AKAP4: variants seen among roughly 807,000 people sequenced by gnomAD.
AKAP4 encodes the protein A-kinase anchor protein 4.
A neutral mutation model predicts 42.6 loss-of-function variants in AKAP4; 4 were observed. The ratio of observed to expected loss-of-function variants is 0.09; its 90% CI spans 0.05 to 0.22. The LOEUF (loss-of-function observed/expected upper bound fraction) is 0.22. Ranked by LOEUF, AKAP4 falls within the 10% of genes least tolerant of loss-of-function variation. The pLI, the probability that AKAP4 is intolerant of heterozygous loss-of-function variation, is 1.00. For missense variants in AKAP4, 551 were observed against 630.7 expected, an observed-to-expected ratio of 0.87 and a Z score of 1.35; for synonymous variants, 223 against 233.0, an observed-to-expected ratio of 0.96 and a Z score of 0.39.
At position 50,193,046 on chromosome X, in the gene AKAP4, A is replaced by G. The variant is rs1389868586; in HGVS notation, c.1667T>C (p.Leu556Pro). Residue 556 changes from leucine (L) to proline (P), a missense_variant, in exon 5 of 6, where the codon CTG becomes CCG. Leu to Pro is a moderately conservative substitution (Grantham distance 98). Transcript: ENST00000358526. ...VSALKLIQYH[L>P]TQQTKGKDTC... ...ATCTTTGCCCTTAGTCTGCTGGGTC[A>G]GATGGTACTGGATCAGCTTAAGGGC... The G allele has an allele frequency of 3.3e-6, 4 of 1,210,199 alleles. No homozygotes were observed. The highest frequency in any genetic ancestry group is 3.4e-6 in the Non-Finnish European group (3 of 895,304).
At chrX:50,191,146 C>T (rs782801875) in intron 5 of AKAP4, 31 bp from the exon 6 acceptor site, 12 of 1,194,303 alleles carry the variant, frequency 1.0e-5, no homozygotes, top group African/African-American at 7.1e-5. Flanking sequence ...GTGTGAGTTG[C>T]GTGATGCTTT....
intron 4 of AKAP4, among the ~76,000 whole-genome samples, chrX:50,196,629 T>A: frequency 9.0e-6 from 1 of 111,179 alleles, no homozygotes; most frequent in Non-Finnish European, 1.9e-5. Flanking sequence ...TTACAAATAG[T>A]CTTGTGTGAT....
chrX:50,194,668 CAT>C (rs1313091372), intron 4 of AKAP4, among the ~76,000 whole-genome samples: 1 of 109,641 alleles, frequency 9.1e-6, no homozygotes, highest in Non-Finnish European at 1.9e-5. Flanking sequence ...TCTGCCAACT[CAT>C]ATGAATATGT....
rs1935222781 is a variant in AKAP4 at position 50,198,699 on chromosome X, A to C, written c.81T>G (p.Asp27Glu). The C allele has an allele frequency of 1.7e-6, 2 of 1,208,165 alleles. No homozygotes were observed. The highest frequency in any genetic ancestry group is 2.2e-5 in the Admixed American group (1 of 45,672). The change falls in exon 2 of 6, where the codon GAT (aspartate) becomes GAG (glutamate). Residue 27 changes from aspartate (D) to glutamate (E), a missense_variant. By Grantham distance (45) the Asp-to-Glu change is conservative (BLOSUM62 2). Transcript: ENST00000358526. The part of the protein sequence containing the change: ...LRSHRGVCKV[D>E]LYNPEGQQDQ... ...CTTGCTGTCCTTCTGGGTTGTAGAGATCTACCTTGCACACACCCCTGTGGC... is the reference window on the plus strand; with the variant it reads ...CTTGCTGTCCTTCTGGGTTGTAGAGCTCTACCTTGCACACACCCCTGTGGC...
chrX:50,197,054 C>T, intron 3 of AKAP4, 62 bp from the exon 4 acceptor site: 1 of 822,022 alleles, frequency 1.2e-6, no homozygotes, highest in South Asian at 2.1e-5. Flanking sequence ...CAAGCTGCCC[C>T]CCTAGGCTAT....
intron 5 of AKAP4, among the ~76,000 whole-genome samples, chrX:50,191,489 C>G (rs1935107585): frequency 9.0e-6 from 1 of 110,985 alleles, no homozygotes; most frequent in Non-Finnish European, 1.9e-5. Flanking sequence ...CATTCCCCCA[C>G]CTCCCTAAAA....
At position 50,191,053 on chromosome X, in the gene AKAP4, C is replaced by T; in HGVS notation, c.2472G>A (p.Glu824=). Residue 824 remains glutamate, a synonymous_variant, in exon 6 of 6, where the codon GAG becomes GAA. Coordinates refer to ENST00000358526, the MANE Select transcript of AKAP4 (RefSeq NM_003886.3). ...GCCGTTCCTTGGCAAACTTCATGAC[C>T]TCTTGAAGAAGACCTCCTACACTGT... is the stretch of plus-strand genomic sequence containing the variant. The part of the protein sequence containing the change: ...KGYSVGGLLQ[E]VMKFAKERQP... 1 of 1,211,139 alleles carries T rather than the reference C, an allele frequency of 8.3e-7. No individual in the cohort carries two copies. The highest frequency in any genetic ancestry group is 1.1e-6 in the Non-Finnish European group (1 of 895,114).
chrX:50,190,958 G>A lies in AKAP4; in HGVS notation c.*2C>T, dbSNP rs781935244. ...TAAGATGAAGAGGAGTCAAGGATCA[G>A]CTCACAGGTTAGCGAGCAGCCAGTC... On this transcript the variant is annotated 3_prime_UTR_variant, in exon 6 of 6. Transcript: ENST00000358526. 5.8e-6 allele frequency: 7 copies of A among 1,207,490 alleles called. No homozygotes were observed. Among genetic ancestry groups the A allele is most frequent in the African/African-American group, 1.8e-5 (1 of 56,616 alleles).
chrX:50,200,189 T>C (rs1935245683), intron 1 of AKAP4: 1 of 747,347 alleles, frequency 1.3e-6, no homozygotes, highest in African/African-American at 2.4e-5. Flanking sequence ...TAAGTCCAAG[T>C]CCAAAAGAAC....
chrX:50,197,646 A>C (rs781811891), intron 2 of AKAP4, 52 bp from the exon 3 acceptor site: 24 of 1,070,106 alleles, frequency 2.2e-5, no homozygotes, highest in Non-Finnish European at 2.8e-5. Flanking sequence ...AAAGGGGCAT[A>C]ATTTCTCTTT....
At position 50,194,364 on chromosome X, in the gene AKAP4, C is replaced by T; in HGVS notation, c.349G>A (p.Asp117Asn). 8.3e-7 allele frequency: 1 copy of T among 1,209,588 alleles called. No individual in the cohort carries two copies. The highest frequency in any genetic ancestry group is 1.1e-6 in the Non-Finnish European group (1 of 894,972). The change falls in exon 5 of 6, where the codon GAT becomes AAT. Residue 117 changes from aspartate to asparagine, a missense_variant. Asp to Asn is a conservative substitution (Grantham distance 23, BLOSUM62 1). Transcript: ENST00000358526. Reference sequence around the variant, plus strand: ...AAACCCAAGGCATACTTCTGGAGATCACTGAGAAGCCAGTTGAGGACACTT... The same window carrying T: ...AAACCCAAGGCATACTTCTGGAGATTACTGAGAAGCCAGTTGAGGACACTT... ...PVSVLNWLLS[D>N]LQKYALGFQH...
chrX:50,198,716 C>A lies in AKAP4; in HGVS notation c.64G>T (p.Gly22Cys), dbSNP rs781879602. ...DDIDWLRSHR[G>C]VCKVDLYNPE... ...TTGTAGAGATCTACCTTGCACACAC[C>A]CCTGTGGCTGCGTAACCAGTCAATA... The change falls in exon 2 of 6, where the codon GGT becomes TGT. Residue 22 changes from glycine to cysteine, a missense_variant. By Grantham distance (159) the Gly-to-Cys change is radical. Coordinates refer to ENST00000358526, the MANE Select transcript of AKAP4 (RefSeq NM_003886.3). 17 of 1,207,219 alleles carry A rather than the reference C, an allele frequency of 1.4e-5. No individual in the cohort carries two copies. The highest frequency in any genetic ancestry group is 1.2e-4 in the East Asian group (4 of 33,752).
intron 4 of AKAP4, among the ~76,000 whole-genome samples, chrX:50,196,090 A>C (rs1935188529): frequency 8.9e-6 from 1 of 112,011 alleles, no homozygotes; most frequent in African/African-American, 3.2e-5. Context: ...TCCCTTTCTT[A>C]AGACTCCAAA....
chrX:50,198,619 T>G, intron 2 of AKAP4, 38 bp downstream of exon 2: 1 of 1,108,331 alleles, frequency 9.0e-7, no homozygotes, highest in South Asian at 1.9e-5. Context: ...ATATGCCAAT[T>G]TTTCCTACTC....
intron 4 of AKAP4, among the ~76,000 whole-genome samples, chrX:50,195,216 A>G (rs782034094): frequency 3.0e-4 from 34 of 112,223 alleles, no homozygotes; most frequent in Non-Finnish European, 4.9e-4. Flanking sequence ...ATGACTATGT[A>G]TGTTCATAAA....
chrX:50,194,420 C>T lies in AKAP4; in HGVS notation c.293G>A (p.Cys98Tyr), dbSNP rs1557204158. ...KDQSKTEGSV[C>Y]LFKQAPSDPV... is the part of the protein sequence containing the mutation. ...ATCAGAGGGAGCTTGTTTGAAAAGG[C>T]ATACAGATCCCTCTGTCTAAAAAAA... Residue 98 changes from cysteine (C) to tyrosine (Y), a missense_variant, in exon 5 of 6, where the codon TGC becomes TAC. Transcript: ENST00000358526. 1 of 1,200,796 alleles carries T rather than the reference C, an allele frequency of 8.3e-7. No individual in the cohort carries two copies. The highest frequency in any genetic ancestry group is 3.0e-5 in the East Asian group (1 of 33,672).
chrX:50,197,144 C>CTT (rs1935200910), intron 3 of AKAP4, 152 bp from the exon 4 acceptor site: 1 of 450,334 alleles, frequency 2.2e-6, no homozygotes. Context: ...GCTAGCTAAT[C>CTT]TTTGAAGAAT....
Position 50,197,677 on chromosome X carries a change from C to G in AKAP4, c.124-83G>C, listed in dbSNP as rs781803711. The G allele has an allele frequency of 4.6e-6, 4 of 862,974 alleles. No individual in the cohort carries two copies. The South Asian group carries it at 7.3e-5, about 16-fold the overall frequency. The allele number at this position is 862,974 out of a possible 1,213,427, so 71.1% of individuals were successfully genotyped here. On this transcript the variant is annotated intron_variant, in intron 2 of 5. Transcript: ENST00000358526. ...TCTTTCTTGGAGATGATAATAGCAC[C>G]TACCTCAGAGGGTTCTTGTGAGGAT... is the stretch of plus-strand genomic sequence containing the variant.
At chrX:50,198,900 T>TG (rs1935225592) in intron 1 of AKAP4, 148 bp from the exon 2 acceptor site, 2 of 398,531 alleles carry the variant, frequency 5.0e-6, no homozygotes, top group African/African-American at 2.5e-5. Flanking sequence ...GGGTGAGCAG[T>TG]GGGGGACACA....
Sources: allele counts gnomAD v4.1 joint callset (sites outside exome capture counted in the v4.1 genomes callset), GRCh38; gene constraint gnomAD v4.1.1; transcripts MANE v1.5; gene names NCBI Gene and HGNC (gene_info 2026-07-23, HGNC 2026-07-21).